BLMH: variants seen among roughly 807,000 people sequenced by gnomAD.
BLMH encodes bleomycin hydrolase, also known as BLM hydrolase.
A neutral mutation model predicts 61.6 loss-of-function variants in BLMH; 32 were observed. The ratio of observed to expected loss-of-function variants is 0.52; its 90% confidence interval spans 0.39 to 0.70. BLMH has a LOEUF of 0.70. BLMH is among the 30% of genes least tolerant of loss of function. BLMH has a pLI of 0.00. For missense variants in BLMH, 460 were observed against 555.5 expected (o/e 0.83, Z 1.73); for synonymous variants, 183 against 193.8 (o/e 0.94, Z 0.46).
At chr17:30,250,735 T>G (rs545584048) in intron 11 of BLMH, among the ~76,000 whole-genome samples, 12 of 152,286 alleles carry the variant, frequency 7.9e-5, no homozygotes, top group African/African-American at 2.9e-4. Flanking sequence ...CTACTGGGTA[T>G]CTACCCAAAG....
intron 10 of BLMH, among the ~76,000 whole-genome samples, chr17:30,267,443 C>T (rs1908142157): frequency 6.6e-6 from 1 of 152,178 alleles, no homozygotes; most frequent in South Asian, 2.1e-4. Flanking sequence ...ACTCATCATA[C>T]TGCCTGATTT....
intron 6 of BLMH, among the ~76,000 whole-genome samples, chr17:30,282,219 GT>G (rs74886535): frequency 0.067 from 8,243 of 122,180 alleles, 157 homozygotes; most frequent in African/African-American, 0.15. Context: ...AACAGACAAG[GT>G]TTTTTTTTTT....
At chr17:30,251,338 G>A (rs954335364) in intron 11 of BLMH, among the ~76,000 whole-genome samples, 2 of 152,166 alleles carry the variant, frequency 1.3e-5, no homozygotes, top group Admixed American at 1.3e-4. Flanking sequence ...AATAAGAAGA[G>A]CAAAATTAAA....
intron 5 of BLMH, among the ~76,000 whole-genome samples, chr17:30,286,461 T>C (rs970675616): frequency 6.6e-6 from 1 of 152,214 alleles, no homozygotes; most frequent in Non-Finnish European, 1.5e-5. Flanking sequence ...TTTTTGGTTT[T>C]ACTAGCACAT....
chr17:30,255,186 T>C (rs999694130), intron 11 of BLMH, among the ~76,000 whole-genome samples: 1 of 152,218 alleles, frequency 6.6e-6, no homozygotes, highest in African/African-American at 2.4e-5. Flanking sequence ...TATATGATAG[T>C]GGTTCTGTAA....
chr17:30,274,827 A>C (rs1908372548), intron 6 of BLMH, among the ~76,000 whole-genome samples: 1 of 151,946 alleles, frequency 6.6e-6, no homozygotes, highest in Non-Finnish European at 1.5e-5. Context: ...AAAAAGAAAA[A>C]AATTAGCTGG....
chr17:30,249,204 G>A (rs1302579967), intron 11 of BLMH, 36 bp from the exon 12 acceptor site: 1 of 1,608,438 alleles, frequency 6.2e-7, no homozygotes, highest in African/African-American at 1.3e-5. Context: ...GAGTCCAGAG[G>A]GCAAGGGACA....
At chr17:30,254,535 ATAGAT>A (rs1194320623) in intron 11 of BLMH, among the ~76,000 whole-genome samples, 1 of 152,232 alleles carries the variant, frequency 6.6e-6, no homozygotes, top group Non-Finnish European at 1.5e-5. Context: ...GTGATAAAAA[ATAGAT>A]TAGAGTGGCA....
chr17:30,277,987 C>T (rs980978731), intron 6 of BLMH, among the ~76,000 whole-genome samples: 1 of 151,990 alleles, frequency 6.6e-6, no homozygotes, highest in Admixed American at 6.6e-5. Flanking sequence ...TTGTTTTATA[C>T]TATTTGTTTA....
chr17:30,286,696 A>G (rs1908736539), intron 5 of BLMH, 118 bp downstream of exon 5: 1 of 641,276 alleles, frequency 1.6e-6, no homozygotes, highest in Non-Finnish European at 2.7e-6. Context: ...ACAGACATTG[A>G]CATTGGTAGT....
intron 11 of BLMH, 113 bp from the exon 12 acceptor site, chr17:30,249,281 T>C (rs1338825819): frequency 7.0e-6 from 8 of 1,135,792 alleles, no homozygotes; most frequent in Non-Finnish European, 9.8e-6. Context: ...ATTTTTCAGC[T>C]TTCCCATCTG....
intron 6 of BLMH, among the ~76,000 whole-genome samples, chr17:30,284,763 T>TA (rs1388221505): frequency 2.0e-5 from 3 of 152,216 alleles, no homozygotes; most frequent in Non-Finnish European, 4.4e-5. Flanking sequence ...CAACATCCCT[T>TA]ACATCTCTGC....
chr17:30,260,998 A>T (rs1057499607), intron 11 of BLMH, among the ~76,000 whole-genome samples: 2 of 152,202 alleles, frequency 1.3e-5, no homozygotes, highest in East Asian at 3.8e-4. Context: ...CTGAGGTGAC[A>T]AAACAAATTT....
intron 6 of BLMH, among the ~76,000 whole-genome samples, chr17:30,284,833 TC>T (rs1908684833): frequency 6.6e-6 from 1 of 152,206 alleles, no homozygotes; most frequent in African/African-American, 2.4e-5. Flanking sequence ...GCCACATGAT[TC>T]CCTGAAGGTT....
chr17:30,275,302 AAC>A (rs1237179444), intron 6 of BLMH, among the ~76,000 whole-genome samples: 2 of 152,218 alleles, frequency 1.3e-5, no homozygotes, highest in African/African-American at 4.8e-5. Flanking sequence ...ATGATGTCAC[AAC>A]ACCTTCAAGT....
intron 3 of BLMH, among the ~76,000 whole-genome samples, chr17:30,289,134 ACAAG>A (rs887388145): frequency 3.2e-4 from 48 of 152,330 alleles, no homozygotes; most frequent in African/African-American, 9.4e-4. Flanking sequence ...TTTTAAATAG[ACAAG>A]CAAGCAGTAA....
rs749133129 is a variant in BLMH at position 30,287,868 on chromosome 17, T to C, written c.401A>G (p.Gln134Arg). ...ATTTGCAGGGTTCATAAGCAAAAAC[T>C]GCACCAGCCTCCCATCCTCAGGCTC... ...RKEPEDGRLV[Q>R]FLLMNPANDG... Residue 134 changes from glutamine to arginine, a missense_variant, in exon 4 of 12, where the codon CAG becomes CGG. Around this residue, in one of 5 missense-constraint regions of BLMH, gnomAD observed 14 missense variants for 38.5 expected, o/e 0.36. Coordinates refer to ENST00000261714, the MANE Select transcript of BLMH (RefSeq NM_000386.4). 4 of 1,614,044 alleles carry C rather than the reference T, an allele frequency of 2.5e-6. No homozygotes were observed. The highest frequency in any genetic ancestry group is 3.4e-6 in the Non-Finnish European group (4 of 1,180,006).
chr17:30,287,944 C>CAACCTAAAGAGTAAAGAAAGTTAAAT lies in BLMH; in HGVS notation c.322-23_324dup (p.Glu109IlefsTer2). ...GCACTCAAGAAGAAATAACAGCGTTCAACCTAAAGAGTAAAGAAAGTTAAA... is the reference window on the plus strand; with the variant it reads ...GCACTCAAGAAGAAATAACAGCGTTCAACCTAAAGAGTAAAGAAAGTTAAATAACCTAAAGAGTAAAGAAAGTTAAA... On this transcript the variant is annotated stop_gained and frameshift_variant, in exon 4 of 12. Transcript: ENST00000261714. LOFTEE classifies it high-confidence loss of function. 2 of 1,609,750 alleles carry CAACCTAAAGAGTAAAGAAAGTTAAAT rather than the reference C, an allele frequency of 1.2e-6. No homozygotes were observed.
At chr17:30,253,390 C>G (rs1236390722) in intron 11 of BLMH, among the ~76,000 whole-genome samples, 2 of 152,242 alleles carry the variant, frequency 1.3e-5, no homozygotes, top group African/African-American at 4.8e-5. Context: ...TGATTAGTCT[C>G]TCTCTTCAGG....
Sources: allele counts gnomAD v4.1 joint callset (sites outside exome capture counted in the v4.1 genomes callset), GRCh38; gene constraint gnomAD v4.1.1; regional missense constraint gnomAD v4.1.1; transcripts MANE v1.5; gene names NCBI Gene and HGNC (gene_info 2026-07-23, HGNC 2026-07-21).